ADGRL3: variants seen among roughly 807,000 people sequenced by gnomAD.
ADGRL3 encodes adhesion G protein-coupled receptor L3, also known as calcium-independent alpha-latrotoxin receptor 3.
ADGRL3 carries 62 observed loss-of-function variants against 153.5 expected under a neutral mutation model. The observed-to-expected ratio is 0.40, with a 90% CI of 0.33 to 0.50. The LOEUF is 0.50. ADGRL3 is among the 20% of genes least tolerant of loss of function. ADGRL3 has a pLI of 0.47. For missense variants in ADGRL3, 1,641 were observed against 1,859.4 expected (o/e 0.88, Z 2.16); for synonymous variants, 710 against 672.5 (o/e 1.06, Z -0.86).
intron 3 of ADGRL3, among the ~76,000 whole-genome samples, chr4:61,512,860 A>C (rs181642821): frequency 3.3e-5 from 5 of 152,048 alleles, no homozygotes; most frequent in African/African-American, 9.7e-5. Context: ...TCTTTCCAAG[A>C]GATACTACCA....
At chr4:61,929,767 T>C (rs1191220703) in intron 13 of ADGRL3, among the ~76,000 whole-genome samples, 1 of 152,046 alleles carries the variant, frequency 6.6e-6, no homozygotes, top group African/African-American at 2.4e-5. Context: ...AAACAGGTAA[T>C]AGGTTTAAGG....
At chr4:61,439,471 T>C (rs2097501049) in intron 2 of ADGRL3, among the ~76,000 whole-genome samples, 3 of 152,218 alleles carry the variant, frequency 2.0e-5, no homozygotes, top group African/African-American at 7.2e-5. Flanking sequence ...TTTATTATTA[T>C]ACGAAATATA....
intron 1 of ADGRL3, among the ~76,000 whole-genome samples, chr4:61,243,600 A>T (rs1249372880): frequency 6.6e-6 from 1 of 151,992 alleles, no homozygotes; most frequent in Non-Finnish European, 1.5e-5. Flanking sequence ...TAAAAGATAT[A>T]TTCTTGTAAT....
intron 4 of ADGRL3, among the ~76,000 whole-genome samples, chr4:61,525,418 G>A (rs1021757000): frequency 6.6e-6 from 1 of 152,112 alleles, no homozygotes; most frequent in East Asian, 1.9e-4. Context: ...GAAATAGTGA[G>A]ACAGGAAGTT....
At chr4:61,804,962 TA>T (rs1189803980) in intron 8 of ADGRL3, among the ~76,000 whole-genome samples, 27 of 150,060 alleles carry the variant, frequency 1.8e-4, no homozygotes, top group African/African-American at 5.2e-4. Flanking sequence ...TTTATTTATT[TA>T]TTTTTTTTTT....
chr4:61,455,558 G>C (rs552395659), intron 2 of ADGRL3, among the ~76,000 whole-genome samples: 4 of 152,064 alleles, frequency 2.6e-5, no homozygotes, highest in African/African-American at 9.6e-5. Flanking sequence ...GTATTCTGCT[G>C]GGAAGAAGTA....
At chr4:61,356,999 A>G (rs2096185806) in intron 1 of ADGRL3, among the ~76,000 whole-genome samples, 1 of 152,048 alleles carries the variant, frequency 6.6e-6, no homozygotes, top group Non-Finnish European at 1.5e-5. Flanking sequence ...TTTTCAGTAA[A>G]ATATTGGTCA....
chr4:61,384,665 G>A (rs1438850266), intron 2 of ADGRL3, among the ~76,000 whole-genome samples: 2 of 151,634 alleles, frequency 1.3e-5, no homozygotes, highest in Non-Finnish European at 2.9e-5. Context: ...TTTATTTAAC[G>A]GAAGTTTAAA....
chr4:61,615,503 T>A (rs2091895935), intron 5 of ADGRL3, among the ~76,000 whole-genome samples: 2 of 152,028 alleles, frequency 1.3e-5, no homozygotes, highest in African/African-American at 2.4e-5. Flanking sequence ...GAATAGGGAT[T>A]TGTTGGTTGG....
chr4:61,684,280 A>C (rs2095402161), intron 6 of ADGRL3, among the ~76,000 whole-genome samples: 1 of 152,212 alleles, frequency 6.6e-6, no homozygotes, highest in African/African-American at 2.4e-5. Flanking sequence ...TAAATTAAAT[A>C]AAGCAGAGGT....
intron 1 of ADGRL3, among the ~76,000 whole-genome samples, chr4:61,254,980 T>C: frequency 6.6e-6 from 1 of 152,276 alleles, no homozygotes. Flanking sequence ...AGTAATTTCA[T>C]AATATGACAC....
intron 4 of ADGRL3, among the ~76,000 whole-genome samples, 170 bp from the exon 5 acceptor site, chr4:61,587,057 T>C (rs1211652292): frequency 6.6e-6 from 1 of 152,132 alleles, no homozygotes; most frequent in Admixed American, 6.6e-5. Context: ...AAGAAAAATA[T>C]TTATAAAGTT....
At chr4:61,658,966 T>C (rs979445594) in intron 5 of ADGRL3, among the ~76,000 whole-genome samples, 4 of 152,150 alleles carry the variant, frequency 2.6e-5, no homozygotes, top group African/African-American at 9.7e-5. Context: ...AGTGCTAAGG[T>C]ATCAGCAAGA....
At chr4:61,513,275 T>C (rs929289476) in intron 3 of ADGRL3, among the ~76,000 whole-genome samples, 4 of 152,164 alleles carry the variant, frequency 2.6e-5, no homozygotes, top group African/African-American at 9.7e-5. Flanking sequence ...TTAAAAAAAT[T>C]ATAAATCAGT....
Position 61,730,755 on chromosome 4 carries a change from C to G in ADGRL3, c.598+119C>G, listed in dbSNP as rs1263958845. ...TATCTATTTTATGAAAATTTATTTA[C>G]TACTTCTGCTGCTCAACTTCACTTT... On this transcript the variant is annotated intron_variant, in intron 7 of 26. Transcript: ENST00000683033. 1.6e-4 allele frequency: 44 copies of G among 274,866 alleles called. 1 individual carries two copies. In the East Asian group the frequency reaches 2.7e-3, roughly 17 times the overall value. The allele number at this position is 274,866 out of a possible 1,614,324, so 17.0% of individuals were successfully genotyped here.
intron 5 of ADGRL3, among the ~76,000 whole-genome samples, chr4:61,600,705 G>A (rs1334960306): frequency 2.0e-5 from 3 of 152,132 alleles, no homozygotes; most frequent in African/African-American, 7.2e-5. Flanking sequence ...TATTGAATCA[G>A]AGGTGTCATT....
chr4:61,242,741 T>C (rs1755511099), intron 1 of ADGRL3, among the ~76,000 whole-genome samples: 1 of 152,104 alleles, frequency 6.6e-6, no homozygotes, highest in Non-Finnish European at 1.5e-5. Context: ...CTTAACTGTA[T>C]AGGAATGTGC....
At chr4:61,793,129 A>G (rs1420415618) in intron 8 of ADGRL3, among the ~76,000 whole-genome samples, 1 of 151,984 alleles carries the variant, frequency 6.6e-6, no homozygotes, top group East Asian at 1.9e-4. Context: ...CTCTTTATAA[A>G]ACCATCAGAT....
At position 61,810,366 on chromosome 4, in the gene ADGRL3, T is replaced by A. The variant is rs151069842; in HGVS notation, c.1400-3443T>A. The stretch of plus-strand genomic sequence containing the variant: ...TTGACTTTTGAAAAAGTCCCCAACT[T>A]CTCAAGATGTCAGTTTTCTCATCCT... On this transcript the variant is annotated intron_variant, in intron 8 of 26. Transcript: ENST00000683033. Among the ~76,000 whole-genome samples, 3 of 152,208 alleles carry A rather than the reference T, an allele frequency of 2.0e-5. No homozygotes were observed. In the East Asian group the frequency reaches 5.8e-4, roughly 29 times the overall value.
Sources: gnomAD v4.1 joint callset for allele counts (sites outside exome capture counted in the v4.1 genomes callset) on GRCh38, gnomAD v4.1.1 for gene constraint, MANE v1.5 for transcripts, NCBI Gene and HGNC (gene_info 2026-07-23, HGNC 2026-07-21) for gene names.